The following HCN1 variants were observed in gnomAD, a reference collection of about 807,000 sequenced individuals.
HCN1 encodes the protein hyperpolarization activated cyclic nucleotide gated potassium channel 1.
HCN1 carries 13 observed loss-of-function variants against 78.9 expected under a neutral mutation model. The ratio of observed to expected loss-of-function variants is 0.16; its 90% CI spans 0.11 to 0.26. The LOEUF is 0.26. Among genes scored for constraint, HCN1 ranks in the 10% least tolerant of loss-of-function variants. The pLI, the probability that HCN1 is intolerant of heterozygous loss-of-function variation, is 1.00. For missense variants in HCN1, 810 were observed against 1,154.3 expected, an observed-to-expected ratio of 0.70 and a Z score of 4.32; for synonymous variants, 552 against 455.5, an observed-to-expected ratio of 1.21 and a Z score of -2.70.
chr5:45,374,002 T>A (rs559294258), intron 4 of HCN1, among the ~76,000 whole-genome samples: 3 of 110,280 alleles, frequency 2.7e-5, no homozygotes, highest in African/African-American at 1.4e-4. Context: ...TAATATATAT[T>A]ATATACATAA....
Position 45,695,842 on chromosome 5 carries a change from G to C in HCN1, c.252C>G (p.Ala84=). 2 of 1,600,328 alleles carry C rather than the reference G, an allele frequency of 1.2e-6. No homozygotes were observed. The highest frequency in any genetic ancestry group is 1.7e-6 in the Non-Finnish European group (2 of 1,177,240). The part of the protein sequence containing the change: ...GEEPAGGFED[A]EGPRRQYGFM... ...AGCCGTACTGCCGCCGGGGCCCCTCGGCGTCTTCGAAGCCCCCCGCCGGCT... is the reference window on the plus strand; with the variant it reads ...AGCCGTACTGCCGCCGGGGCCCCTCCGCGTCTTCGAAGCCCCCCGCCGGCT... Residue 84 remains alanine (A), a synonymous_variant, in exon 1 of 8, where the codon GCC becomes GCG. Transcript: ENST00000303230.
At position 45,356,535 on chromosome 5, in the gene HCN1, G is replaced by A. The variant is rs76997356; in HGVS notation, c.1231-3289C>T. 2.3e-4 allele frequency among the ~76,000 whole-genome samples: 35 copies of A among 151,908 alleles called. No individual in the cohort carries two copies. In the East Asian group the frequency reaches 5.6e-3, roughly 24 times the overall value. ...ATCACTAAGCAATATGCTTGTTCCCGTTTCTTATATAGATAATTACAGGCA... is the reference window on the plus strand; with the variant it reads ...ATCACTAAGCAATATGCTTGTTCCCATTTCTTATATAGATAATTACAGGCA... On this transcript the variant is annotated intron_variant, in intron 4 of 7. Transcript: ENST00000303230.
At chr5:45,572,253 G>A (rs1190655471) in intron 2 of HCN1, among the ~76,000 whole-genome samples, 3 of 152,086 alleles carry the variant, frequency 2.0e-5, no homozygotes, top group African/African-American at 7.2e-5. Flanking sequence ...TTAACCCTGA[G>A]GAATGAAATA....
At chr5:45,541,398 C>A (rs888912636) in intron 2 of HCN1, among the ~76,000 whole-genome samples, 9 of 152,160 alleles carry the variant, frequency 5.9e-5, no homozygotes, top group African/African-American at 2.2e-4. Context: ...GAACACCTAG[C>A]CCCGTCCCTG....
At chr5:45,685,828 G>A (rs1242257410) in intron 1 of HCN1, among the ~76,000 whole-genome samples, 1 of 152,256 alleles carries the variant, frequency 6.6e-6, no homozygotes, top group African/African-American at 2.4e-5. Context: ...ATTGCATGAA[G>A]GTAAAAAGGA....
intron 2 of HCN1, among the ~76,000 whole-genome samples, chr5:45,515,154 T>C (rs1742492846): frequency 7.0e-6 from 1 of 142,348 alleles, no homozygotes; most frequent in African/African-American, 2.6e-5. Flanking sequence ...TCACAGCTGA[T>C]GTTAAAATAT....
At chr5:45,316,557 T>C (rs888595165) in intron 5 of HCN1, among the ~76,000 whole-genome samples, 5 of 152,160 alleles carry the variant, frequency 3.3e-5, no homozygotes, top group Non-Finnish European at 5.9e-5. Context: ...TTGGAAGTTC[T>C]GGCCAGGGCA....
chr5:45,678,749 A>G (rs1409484777), intron 1 of HCN1, among the ~76,000 whole-genome samples: 1 of 152,040 alleles, frequency 6.6e-6, no homozygotes, highest in Non-Finnish European at 1.5e-5. Flanking sequence ...ATTAAACTTA[A>G]GTACAGTCTA....
chr5:45,491,760 T>A (rs934615378), intron 2 of HCN1, among the ~76,000 whole-genome samples: 1 of 152,008 alleles, frequency 6.6e-6, no homozygotes, highest in Non-Finnish European at 1.5e-5. Flanking sequence ...ATGAGAAAAA[T>A]AATATGTGCA....
At chr5:45,622,695 G>A (rs1745092581) in intron 2 of HCN1, among the ~76,000 whole-genome samples, 2 of 152,006 alleles carry the variant, frequency 1.3e-5, no homozygotes, top group East Asian at 1.9e-4. Flanking sequence ...GAAAGAAAAA[G>A]AGATAAAAAG....
At position 45,279,472 on chromosome 5, in the gene HCN1, G is replaced by C. The variant is rs142975135; in HGVS notation, c.1619-12219C>G. On this transcript the variant is annotated intron_variant, in intron 6 of 7. Coordinates refer to ENST00000303230, the MANE Select transcript of HCN1 (RefSeq NM_021072.4). Reference sequence around the variant, plus strand: ...AGGATGAGAAATGACTTTCCAAAAAGATAAAAGTTACAAAAAAGCAGATTT... The same window carrying C: ...AGGATGAGAAATGACTTTCCAAAAACATAAAAGTTACAAAAAAGCAGATTT... Among the ~76,000 whole-genome samples, 62 of 152,134 alleles carry C rather than the reference G, an allele frequency of 4.1e-4. 1 individual carries two copies. In the East Asian group the frequency reaches 0.01, roughly 26 times the overall value.
intron 6 of HCN1, among the ~76,000 whole-genome samples, chr5:45,274,533 G>A (rs1272305859): frequency 1.3e-5 from 2 of 152,144 alleles, no homozygotes; most frequent in Non-Finnish European, 2.9e-5. Context: ...GCCACCACAA[G>A]CCTGGCACAT....
intron 2 of HCN1, among the ~76,000 whole-genome samples, chr5:45,511,835 G>T (rs1302190655): frequency 6.6e-6 from 1 of 151,980 alleles, no homozygotes; most frequent in Non-Finnish European, 1.5e-5. Context: ...ATCAGTATTG[G>T]TTCGTTAGTT....
At chr5:45,592,527 G>C (rs762183554) in intron 2 of HCN1, among the ~76,000 whole-genome samples, 15 of 151,784 alleles carry the variant, frequency 9.9e-5, no homozygotes, top group Non-Finnish European at 2.1e-4. Context: ...ACATTTCTAG[G>C]CCTTTTCTGA....
chr5:45,343,708 G>A (rs10473384), intron 5 of HCN1, among the ~76,000 whole-genome samples: 48,792 of 151,878 alleles, frequency 0.32, 10,062 homozygotes, highest in African/African-American at 0.57. Flanking sequence ...AGCTTTAGAG[G>A]AAATGAACTT....
intron 1 of HCN1, among the ~76,000 whole-genome samples, chr5:45,665,276 C>G (rs538481926): frequency 1.8e-3 from 239 of 129,226 alleles, no homozygotes; most frequent in Non-Finnish European, 2.2e-3. Context: ...GGAAGGGGCA[C>G]ATCACACTCT....
At chr5:45,453,590 T>A (rs182607996) in intron 3 of HCN1, among the ~76,000 whole-genome samples, 1 of 152,098 alleles carries the variant, frequency 6.6e-6, no homozygotes, top group Admixed American at 6.5e-5. Flanking sequence ...GATGAAGTTG[T>A]CTGGGGCTCA....
At chr5:45,368,565 TA>T (rs1288111534) in intron 4 of HCN1, among the ~76,000 whole-genome samples, 1 of 152,010 alleles carries the variant, frequency 6.6e-6, no homozygotes, top group African/African-American at 2.4e-5. Flanking sequence ...TGGTAAGACC[TA>T]AATATGTATT....
intron 2 of HCN1, among the ~76,000 whole-genome samples, chr5:45,553,115 A>G (rs1175361638): frequency 6.6e-6 from 1 of 151,862 alleles, no homozygotes; most frequent in Admixed American, 6.6e-5. Context: ...CCTCTGAAGG[A>G]AAGAAATGTA....
Sources: allele counts gnomAD v4.1 joint callset (sites outside exome capture counted in the v4.1 genomes callset), GRCh38; gene constraint gnomAD v4.1.1; transcripts MANE v1.5; gene names NCBI Gene and HGNC (gene_info 2026-07-23, HGNC 2026-07-21).